The following ZNF654 variants were observed in gnomAD, a reference collection of about 807,000 sequenced individuals.
The protein encoded by ZNF654 is zinc finger protein 654.
ZNF654 carries 19 observed loss-of-function variants against 95.3 expected under a neutral mutation model. That is an observed-to-expected ratio of 0.20 (90% CI 0.14 to 0.29). The LOEUF (loss-of-function observed/expected upper bound fraction) is 0.29, where lower values mean the gene tolerates loss of function less well. Ranked by LOEUF, ZNF654 falls within the 10% of genes least tolerant of loss-of-function variation. ZNF654 has a pLI of 1.00. For synonymous variants in ZNF654, 413 were observed against 457.9 expected, an observed-to-expected ratio of 0.90 and a Z score of 1.25; for missense variants, 1,046 against 1,341.0, an observed-to-expected ratio of 0.78 and a Z score of 3.44.
rs117707007 is a variant in ZNF654, at chr3:88,087,867, C to G, written c.332+1465C>G. Among the ~76,000 whole-genome samples, 16 of 152,288 alleles carry G rather than the reference C, an allele frequency of 1.1e-4. No individual in the cohort carries two copies. The East Asian group carries it at 3.1e-3, about 29-fold the overall frequency. On this transcript the variant is annotated intron_variant, in intron 2 of 8. Coordinates refer to ENST00000636215, the MANE Select transcript of ZNF654 (RefSeq NM_001350134.2). The stretch of plus-strand genomic sequence containing the variant: ...GCATTAGAGGTTGAGTATCCCTAAT[C>G]TGATAATCCAAAATCTGACATCTGA...
intron 2 of ZNF654, among the ~76,000 whole-genome samples, chr3:88,100,483 A>G (rs1704345992): frequency 1.3e-5 from 2 of 152,190 alleles, no homozygotes; most frequent in South Asian, 4.1e-4. Flanking sequence ...GTATATACCC[A>G]GAGGATTATA....
intron 2 of ZNF654, among the ~76,000 whole-genome samples, chr3:88,093,759 T>C (rs987748602): frequency 2.0e-5 from 3 of 152,328 alleles, no homozygotes; most frequent in African/African-American, 7.2e-5. Context: ...AAGTTTTACT[T>C]GATTGCATTT....
At chr3:88,115,675 C>T (rs1192551783) in intron 3 of ZNF654, among the ~76,000 whole-genome samples, 5 of 152,110 alleles carry the variant, frequency 3.3e-5, no homozygotes, top group East Asian at 3.9e-4. Flanking sequence ...TTTTCCTCTC[C>T]GTTATTTCTA....
At chr3:88,105,257 T>C (rs1704665779) in intron 2 of ZNF654, among the ~76,000 whole-genome samples, 1 of 148,464 alleles carries the variant, frequency 6.7e-6, no homozygotes, top group Non-Finnish European at 1.5e-5. Context: ...CTTTTTTAGA[T>C]AAACAGATAC....
At chr3:88,080,558 T>C (rs1229257039) in intron 1 of ZNF654, among the ~76,000 whole-genome samples, 1 of 152,186 alleles carries the variant, frequency 6.6e-6, no homozygotes, top group Non-Finnish European at 1.5e-5. Context: ...GGTTACCAGC[T>C]AATAAGTGAC....
chr3:88,070,563 GTTTTT>G (rs67079285), intron 1 of ZNF654, among the ~76,000 whole-genome samples: 1 of 111,328 alleles, frequency 9.0e-6, no homozygotes, highest in African/African-American at 4.2e-5. Context: ...AACACTGCCT[GTTTTT>G]TTTTTTTTTT....
At chr3:88,135,023 C>T (rs1308796959) in intron 6 of ZNF654, 38 bp from the exon 7 acceptor site, 1 of 1,309,734 alleles carries the variant, frequency 7.6e-7, no homozygotes. Context: ...TTTGAATAAA[C>T]TGTATTTTTG....
intron 1 of ZNF654, among the ~76,000 whole-genome samples, chr3:88,063,572 T>C (rs1487933906): frequency 6.6e-6 from 1 of 152,180 alleles, no homozygotes; most frequent in Non-Finnish European, 1.5e-5. Context: ...TTTTCTAGGG[T>C]ATAATACATT....
intron 2 of ZNF654, among the ~76,000 whole-genome samples, chr3:88,108,465 C>T (rs1474108342): frequency 2.6e-5 from 4 of 152,196 alleles, no homozygotes; most frequent in East Asian, 1.9e-4. Context: ...TCACTTTCTG[C>T]GGTTTGTTAC....
Position 88,129,024 on chromosome 3 carries a change from A to G in ZNF654, c.753+13A>G. Reference sequence around the variant, plus strand: ...GCTATTCCGGGAGGTATTGTTTGAGACTATTTTTGCCTATTACCATTTTAA... The same window carrying G: ...GCTATTCCGGGAGGTATTGTTTGAGGCTATTTTTGCCTATTACCATTTTAA... On this transcript the variant is annotated intron_variant, in intron 5 of 8. Coordinates refer to ENST00000636215, the MANE Select transcript of ZNF654 (RefSeq NM_001350134.2). The G allele has an allele frequency of 6.6e-7, 1 of 1,523,790 alleles. No individual in the cohort carries two copies. The highest frequency in any genetic ancestry group is 1.2e-5 in the South Asian group (1 of 81,260). The allele number at this position is 1,523,790 out of a possible 1,614,324, so 94.4% of individuals were successfully genotyped here.
chr3:88,071,995 A>G (rs1052620232), intron 1 of ZNF654, among the ~76,000 whole-genome samples: 8 of 152,168 alleles, frequency 5.3e-5, no homozygotes, highest in African/African-American at 9.6e-5. Flanking sequence ...TTTTCTTACT[A>G]TCAATCAGTT....
At chr3:88,099,034 G>A (rs1443281989) in intron 2 of ZNF654, among the ~76,000 whole-genome samples, 1 of 152,146 alleles carries the variant, frequency 6.6e-6, no homozygotes, top group East Asian at 1.9e-4. Context: ...AGGAAAAGAG[G>A]AAGTCAAATT....
At chr3:88,063,123 TC>T (rs1706981499) in intron 1 of ZNF654, among the ~76,000 whole-genome samples, 1 of 152,158 alleles carries the variant, frequency 6.6e-6, no homozygotes, top group South Asian at 2.1e-4. Flanking sequence ...GTTTTGATTG[TC>T]ATGATTGAGG....
intron 1 of ZNF654, among the ~76,000 whole-genome samples, chr3:88,075,469 C>A (rs1169270480): frequency 6.6e-6 from 1 of 152,158 alleles, no homozygotes; most frequent in African/African-American, 2.4e-5. Context: ...AACCATGGAA[C>A]AGGTACCTAA....
chr3:88,060,154 C>G (rs1298658814), intron 1 of ZNF654, among the ~76,000 whole-genome samples: 1 of 152,048 alleles, frequency 6.6e-6, no homozygotes, highest in African/African-American at 2.4e-5. Flanking sequence ...CACACGCACT[C>G]TTTTCTAATT....
At chr3:88,102,817 CTT>C (rs10701359) in intron 2 of ZNF654, among the ~76,000 whole-genome samples, 477 of 106,518 alleles carry the variant, frequency 4.5e-3, no homozygotes, top group East Asian at 6.6e-3. Context: ...CCTCTACTGT[CTT>C]TTTTTTTTTT....
At chr3:88,067,950 T>C (rs1707294940) in intron 1 of ZNF654, among the ~76,000 whole-genome samples, 2 of 152,042 alleles carry the variant, frequency 1.3e-5, no homozygotes, top group South Asian at 2.1e-4. Context: ...GAATGATCCA[T>C]TTGAAAGGAA....
intron 3 of ZNF654, 145 bp downstream of exon 3, chr3:88,113,341 G>A (rs1419047475): frequency 2.1e-6 from 1 of 469,558 alleles, no homozygotes; most frequent in African/African-American, 2.0e-5. Context: ...ATTATTACTG[G>A]CTGATAAAGA....
At chr3:88,061,261 C>T (rs370629417) in intron 1 of ZNF654, among the ~76,000 whole-genome samples, 2 of 152,016 alleles carry the variant, frequency 1.3e-5, no homozygotes, top group South Asian at 4.1e-4. Context: ...TATCAACAAC[C>T]AGCTACTAAA....
Sources: gnomAD v4.1 joint callset for allele counts (sites outside exome capture counted in the v4.1 genomes callset) on GRCh38, gnomAD v4.1.1 for gene constraint, MANE v1.5 for transcripts, NCBI Gene and HGNC (gene_info 2026-07-23, HGNC 2026-07-21) for gene names.